ANKS1A: variants seen among roughly 807,000 people sequenced by gnomAD.
The protein encoded by ANKS1A is ankyrin repeat and sterile alpha motif domain containing 1A, also known as ankyrin repeat and SAM domain-containing protein 1A.
ANKS1A carries 55 observed loss-of-function variants against 120.3 expected under a neutral mutation model. The observed-to-expected ratio is 0.46, with a 90% CI of 0.37 to 0.57. The LOEUF (loss-of-function observed/expected upper bound fraction) is 0.57, where lower values mean the gene tolerates loss of function less well. Among genes scored for constraint, ANKS1A ranks in the 20% least tolerant of loss-of-function variants. The pLI is 0.00. For missense variants in ANKS1A, 1,123 were observed against 1,480.3 expected (o/e 0.76, Z 3.96); for synonymous variants, 590 against 604.7 (o/e 0.98, Z 0.36).
At chr6:35,097,035 AT>A in the ANKS1A span, among the ~76,000 whole-genome samples, 112 of 150,228 alleles carry the variant, frequency 7.5e-4, no homozygotes, top group Middle Eastern at 3.4e-3. Context: ...ATTCCAGCCA[AT>A]TTTTTTTTTT....
At chr6:34,993,588 C>T (rs1772688450) in intron 9 of ANKS1A, among the ~76,000 whole-genome samples, 1 of 152,184 alleles carries the variant, frequency 6.6e-6, no homozygotes, top group Admixed American at 6.5e-5. Context: ...TTGTAGGAAT[C>T]CAGTTTTGGG....
At chr6:34,895,780 CT>C (rs995285475) in intron 1 of ANKS1A, among the ~76,000 whole-genome samples, 663 of 90,358 alleles carry the variant, frequency 7.3e-3, no homozygotes, top group Non-Finnish European at 9.6e-3. Flanking sequence ...GAATGTCTTT[CT>C]TTTTTTTTTT....
intron 10 of ANKS1A, among the ~76,000 whole-genome samples, chr6:35,007,605 T>C (rs1282892414): frequency 1.3e-5 from 2 of 152,234 alleles, no homozygotes; most frequent in Non-Finnish European, 2.9e-5. Context: ...TAAATGGGAA[T>C]GTAGCCAAGA....
intron 10 of ANKS1A, among the ~76,000 whole-genome samples, chr6:35,004,871 T>C (rs991823944): frequency 2.6e-5 from 4 of 152,258 alleles, no homozygotes; most frequent in Non-Finnish European, 5.9e-5. Context: ...TTGTTATCTT[T>C]ATACAAAAGT....
intron 11 of ANKS1A, among the ~76,000 whole-genome samples, chr6:35,032,833 G>A (rs999883530): frequency 3.9e-5 from 6 of 152,120 alleles, no homozygotes; most frequent in African/African-American, 2.4e-5. Flanking sequence ...TCATAGATGT[G>A]AGCACAGAAA....
intron 14 of ANKS1A, 147 bp from the exon 15 acceptor site, chr6:35,079,369 C>T (rs1049385395): frequency 1.8e-5 from 16 of 908,510 alleles, no homozygotes; most frequent in South Asian, 8.8e-5. Flanking sequence ...AAAGGCTGTG[C>T]GAAGTGGGGG....
rs1241059343 is a variant in ANKS1A, at chr6:34,991,659, C to CACATATATATACACATATATAT, written c.1302+2353_1302+2374dup. Among the ~76,000 whole-genome samples the CACATATATATACACATATATAT allele has an allele frequency of 3.6e-4, 37 of 104,168 alleles. 1 individual carries two copies. The highest frequency in any genetic ancestry group is 1.0e-3 in the African/African-American group (37 of 36,342). The allele number at this position is 104,168 out of a possible 152,430, so 68.3% of individuals were successfully genotyped here. ...ACATATATACACACACATATATATA[C>CACATATATATACACATATATAT]ACATATATATACACATATATATACA... On this transcript the variant is annotated intron_variant, in intron 9 of 23. Transcript: ENST00000360359.
At chr6:35,042,336 C>G (rs186920071) in intron 11 of ANKS1A, among the ~76,000 whole-genome samples, 2 of 152,206 alleles carry the variant, frequency 1.3e-5, no homozygotes, top group Non-Finnish European at 2.9e-5. Context: ...ATGTCTCCCC[C>G]CTCTCATTTT....
downstream of ANKS1A, among the ~76,000 whole-genome samples, chr6:35,093,962 G>A (rs1778384751): frequency 6.6e-6 from 1 of 152,202 alleles, no homozygotes; most frequent in Non-Finnish European, 1.5e-5. Flanking sequence ...AGCGCCCAGT[G>A]ATTGTGATGC....
intron 2 of ANKS1A, among the ~76,000 whole-genome samples, chr6:34,968,048 G>A (rs1770986470): frequency 1.3e-5 from 2 of 152,008 alleles, no homozygotes; most frequent in South Asian, 2.1e-4. Context: ...TGTTTCAATA[G>A]TTATTTATTT....
At position 35,090,398 on chromosome 6, in the gene ANKS1A, C is replaced by T. The variant is rs1021346636; in HGVS notation, c.*1789C>T. ...AGGCCACATCCAAGTGGGCCTCTGTCGGGGGCGGGGCGGTAGGTCCGAAAG... is the reference window on the plus strand; with the variant it reads ...AGGCCACATCCAAGTGGGCCTCTGTTGGGGGCGGGGCGGTAGGTCCGAAAG... On this transcript the variant is annotated 3_prime_UTR_variant, in exon 24 of 24. Transcript: ENST00000360359. 1.3e-4 allele frequency: 162 copies of T among 1,217,520 alleles called. No individual in the cohort carries two copies. Among genetic ancestry groups the T allele is most frequent in the Non-Finnish European group, 1.6e-4 (152 of 954,274 alleles). 75.4% of individuals were successfully genotyped at this position (1,217,520 alleles called of 1,614,324 possible).
At chr6:34,945,402 A>T (rs1005863908) in intron 1 of ANKS1A, among the ~76,000 whole-genome samples, 3 of 152,172 alleles carry the variant, frequency 2.0e-5, no homozygotes, top group Admixed American at 2.0e-4. Context: ...GTGAATTTTT[A>T]TGAAAGGTAT....
Position 35,017,453 on chromosome 6 carries a change from G to A in ANKS1A, c.1424-20G>A, listed in dbSNP as rs1774081227. 6.4e-7 allele frequency: 1 copy of A among 1,560,370 alleles called. No homozygotes were observed. Among genetic ancestry groups the A allele is most frequent in the East Asian group, 2.3e-5 (1 of 44,100 alleles). On this transcript the variant is annotated intron_variant, in intron 10 of 23. Transcript: ENST00000360359. ...GCCACGTTTAATTTTTTATTTCTCT[G>A]TCTCTCCGTCCACTCCAAGACCACA... is the stretch of plus-strand genomic sequence containing the variant.
intron 1 of ANKS1A, among the ~76,000 whole-genome samples, chr6:34,933,069 T>C (rs1769069524): frequency 1.3e-5 from 2 of 152,250 alleles, no homozygotes; most frequent in South Asian, 4.1e-4. Context: ...TCATGACTAT[T>C]ACTATTGAAC....
At chr6:35,008,729 T>C (rs1000202251) in intron 10 of ANKS1A, among the ~76,000 whole-genome samples, 8 of 150,936 alleles carry the variant, frequency 5.3e-5, no homozygotes, top group Non-Finnish European at 1.2e-4. Context: ...ATGAGACATA[T>C]GTAAAGTAAC....
chr6:34,963,352 T>C (rs1013182043), intron 1 of ANKS1A, among the ~76,000 whole-genome samples: 6 of 152,208 alleles, frequency 3.9e-5, no homozygotes, highest in African/African-American at 1.4e-4. Flanking sequence ...TTAGATTCCA[T>C]ATGTAAGTGA....
intron 3 of ANKS1A, among the ~76,000 whole-genome samples, chr6:34,980,202 C>T (rs936228443): frequency 6.6e-6 from 1 of 152,258 alleles, no homozygotes; most frequent in Non-Finnish European, 1.5e-5. Context: ...TATCCTCTGG[C>T]CAGCGAAGGC....
In ANKS1A at chr6:35,043,400, C is replaced by T. The variant is rs1002604231; in HGVS notation, c.2011-10699C>T. On this transcript the variant is annotated intron_variant, in intron 11 of 23. Transcript: ENST00000360359. The stretch of plus-strand genomic sequence containing the variant: ...AGGAAGAAAGAAGGGCTGAAAATTT[C>T]GGGAGTCACCTGGGGTGGTTTACCA... Among the ~76,000 whole-genome samples, 5 of 152,182 alleles carry T rather than the reference C, an allele frequency of 3.3e-5. No individual in the cohort carries two copies. The South Asian group carries it at 6.2e-4, about 19-fold the overall frequency.
At chr6:34,908,059 G>T (rs1287155120) in intron 1 of ANKS1A, among the ~76,000 whole-genome samples, 1 of 152,178 alleles carries the variant, frequency 6.6e-6, no homozygotes, top group African/African-American at 2.4e-5. Context: ...CTGGAATGTA[G>T]TAATGACGGC....
Sources: allele counts gnomAD v4.1 joint callset (sites outside exome capture counted in the v4.1 genomes callset), GRCh38; gene constraint gnomAD v4.1.1; transcripts MANE v1.5; gene names NCBI Gene and HGNC (gene_info 2026-07-23, HGNC 2026-07-21).